The following JMJD1C variants were observed in gnomAD, a reference collection of about 807,000 sequenced individuals.
JMJD1C encodes the protein jumonji domain-containing protein 1C.
JMJD1C carries 31 observed loss-of-function variants against 245.3 expected under a neutral mutation model. That is an observed-to-expected ratio of 0.13 (90% CI 0.09 to 0.17). JMJD1C has a LOEUF of 0.17. Ranked by LOEUF, JMJD1C falls within the 10% of genes least tolerant of loss-of-function variation. JMJD1C has a pLI of 1.00. For synonymous variants in JMJD1C, 1,057 were observed against 1,017.4 expected (o/e 1.04, Z -0.74); for missense variants, 2,691 against 3,000.2 (o/e 0.90, Z 2.41).
At chr10:63,228,180 C>A (rs1849534042) in intron 3 of JMJD1C, among the ~76,000 whole-genome samples, 1 of 152,144 alleles carries the variant, frequency 6.6e-6, no homozygotes, top group South Asian at 2.1e-4. Flanking sequence ...CACAACTACT[C>A]AACCCTGCTG....
intron 1 of JMJD1C, among the ~76,000 whole-genome samples, chr10:63,441,638 C>T (rs1433846104): frequency 6.6e-6 from 1 of 151,994 alleles, no homozygotes; most frequent in Non-Finnish European, 1.5e-5. Flanking sequence ...CTCAGTTTTC[C>T]TTTTCCAAGC....
chr10:63,264,744 T>C lies in JMJD1C; in HGVS notation c.354A>G (p.Glu118=). The change falls in exon 3 of 26, where the codon GAA becomes GAG. Residue 118 remains glutamate (E), a synonymous_variant. Coordinates refer to ENST00000399262, the MANE Select transcript of JMJD1C (RefSeq NM_032776.3). ...WPALTFKPLV[E]RNIPSSVTAV... ...CAGTGACTGAACTGGGTATATTTCT[T>C]TCAACCAGAGGTTTGAAAGTCTGCC... is the stretch of plus-strand genomic sequence containing the variant. The C allele has an allele frequency of 6.3e-7, 1 of 1,581,182 alleles. No homozygotes were observed.
At chr10:63,317,190 A>C (rs1940189546) in intron 2 of JMJD1C, among the ~76,000 whole-genome samples, 1 of 151,482 alleles carries the variant, frequency 6.6e-6, no homozygotes, top group East Asian at 2.0e-4. Flanking sequence ...TGCTAGGAAC[A>C]TTTAAGTCTT....
intron 8 of JMJD1C, among the ~76,000 whole-genome samples, chr10:63,211,823 CAAAAAAAAAA>C (rs59121081): frequency 1.3e-5 from 1 of 77,680 alleles, no homozygotes; most frequent in Admixed American, 1.5e-4. Flanking sequence ...GACTCTGTCT[CAAAAAAAAAA>C]AAAAAAAAAA....
intron 10 of JMJD1C, chr10:63,204,788 T>C: frequency 1.0e-6 from 1 of 985,478 alleles, no homozygotes; most frequent in Non-Finnish European, 1.2e-6. Context: ...GTTCTTTCAC[T>C]TTCTGACTGT....
At chr10:63,460,945 A>T (rs537775635) in intron 1 of JMJD1C, among the ~76,000 whole-genome samples, 17 of 152,322 alleles carry the variant, frequency 1.1e-4, no homozygotes, top group African/African-American at 4.1e-4. Context: ...AAATTATTGG[A>T]AATTATTGGA....
chr10:63,215,084 TTTC>T lies in JMJD1C; in HGVS notation c.1080_1082del (p.Lys361del). The T allele has an allele frequency of 6.3e-7, 1 of 1,595,818 alleles. No individual in the cohort carries two copies. The stretch of plus-strand genomic sequence containing the variant: ...CAGTTCGAAGTCTTTTCATATTTAG[TTTC>T]TTTTCATCCTCCTCAGGTTTCCTTC... On this transcript the variant is annotated inframe_deletion, in exon 8 of 26. Coordinates refer to ENST00000399262, the MANE Select transcript of JMJD1C (RefSeq NM_032776.3).
At chr10:63,388,403 T>C (rs1408180420) in intron 1 of JMJD1C, among the ~76,000 whole-genome samples, 2 of 148,564 alleles carry the variant, frequency 1.3e-5, no homozygotes, top group Non-Finnish European at 1.5e-5. Flanking sequence ...TCATAAATGA[T>C]GGGGAAATAA....
chr10:63,302,145 GTAGCTGGGACTAC>G (rs1172646871), intron 2 of JMJD1C, among the ~76,000 whole-genome samples: 5 of 152,158 alleles, frequency 3.3e-5, no homozygotes, highest in African/African-American at 1.2e-4. Flanking sequence ...AGCCTCCCAA[GTAGCTGGGACTAC>G]TGGCATGAGC....
At chr10:63,322,431 G>T (rs1356348006) in intron 2 of JMJD1C, among the ~76,000 whole-genome samples, 2 of 152,136 alleles carry the variant, frequency 1.3e-5, no homozygotes, top group African/African-American at 2.4e-5. Flanking sequence ...GACTCAGTAC[G>T]ATGATTTTAA....
At position 63,474,686 on chromosome 10, in the gene JMJD1C, G is replaced by A. The variant is rs529508234; in HGVS notation, n.113+47052C>T. Among the ~76,000 whole-genome samples, 8 of 152,102 alleles carry A rather than the reference G, an allele frequency of 5.3e-5. No individual in the cohort carries two copies. The South Asian group carries it at 1.2e-3, about 24-fold the overall frequency. On this transcript the variant is annotated intron_variant and non_coding_transcript_variant, in intron 1 of 3. Transcript: ENST00000633035. ...GGCTTGTCTCAAATTCTGGCGTTAC[G>A]CAATCCTCTCACCTTAGCCTCCCAA...
rs540875698 is a variant in JMJD1C, at chr10:63,377,388, T to A, written c.333+2930A>T. 7.2e-5 allele frequency among the ~76,000 whole-genome samples: 11 copies of A among 152,312 alleles called. 1 individual carries two copies. In the South Asian group the frequency reaches 2.1e-3, roughly 29 times the overall value. ...CCCGTGTACTCAAAAACAGTTAAAA[T>A]GGCAAATTTTATGTTAAGTACATTT... On this transcript the variant is annotated intron_variant, in intron 2 of 25. Coordinates refer to ENST00000399262, the MANE Select transcript of JMJD1C (RefSeq NM_032776.3).
At chr10:63,284,335 C>T (rs1346363784) in intron 2 of JMJD1C, among the ~76,000 whole-genome samples, 2 of 152,042 alleles carry the variant, frequency 1.3e-5, no homozygotes, top group Non-Finnish European at 2.9e-5. Context: ...CCTGGAGTTT[C>T]CTTTATCCTT....
In JMJD1C at chr10:63,207,102, T is replaced by A. The variant is rs183013953; in HGVS notation, c.4567A>T (p.Ile1523Phe). 193 of 1,614,228 alleles carry A rather than the reference T, an allele frequency of 1.2e-4. No homozygotes were observed. In the African/African-American group the frequency reaches 2.1e-3, roughly 17 times the overall value. ...SASLPLDSTVICSTINKANSV... is the reference protein window; with the variant it reads ...SASLPLDSTVFCSTINKANSV... The stretch of plus-strand genomic sequence containing the variant: ...TTTGCTTTGTTAATTGTACTACAGA[T>A]TACAGTGCTATCCAGAGGAAGGGAG... Residue 1523 changes from isoleucine to phenylalanine, a missense_variant, in exon 10 of 26, where the codon ATC becomes TTC. Transcript: ENST00000399262.
chr10:63,347,630 A>G (rs1943968810), intron 2 of JMJD1C, among the ~76,000 whole-genome samples: 1 of 145,926 alleles, frequency 6.9e-6, no homozygotes, highest in African/African-American at 2.6e-5. Flanking sequence ...AAGAAATTAC[A>G]GGGCAGGCGT....
intron 2 of JMJD1C, among the ~76,000 whole-genome samples, chr10:63,301,001 G>A (rs1467676896): frequency 6.6e-6 from 1 of 152,098 alleles, no homozygotes; most frequent in Admixed American, 6.6e-5. Context: ...ATCCCAGGAA[G>A]GGCAATAAAA....
chr10:63,337,600 AAAGAAAAGAAAAGAAAAGAAAAGAAAAAG>A (rs1240408201), intron 2 of JMJD1C, among the ~76,000 whole-genome samples: 2 of 114,998 alleles, frequency 1.7e-5, no homozygotes, highest in East Asian at 4.1e-4. Context: ...AAAGAAAAGA[AAAGAAAAGAAAAGAAAAGAAAAGAAAAAG>A]AAAAGAAAAA....
intron 1 of JMJD1C, among the ~76,000 whole-genome samples, chr10:63,473,059 G>A (rs187864982): frequency 5.3e-5 from 8 of 151,430 alleles, no homozygotes; most frequent in Admixed American, 2.6e-4. Context: ...CTGGGATTAC[G>A]GGCGTAAGCC....
At position 63,350,776 on chromosome 10, in the gene JMJD1C, C is replaced by G. The variant is rs1944286995; in HGVS notation, c.333+29542G>C. 2.0e-5 allele frequency among the ~76,000 whole-genome samples: 3 copies of G among 152,008 alleles called. No individual in the cohort carries two copies. The South Asian group carries it at 6.2e-4, about 32-fold the overall frequency. On this transcript the variant is annotated intron_variant, in intron 2 of 25. Coordinates refer to ENST00000399262, the MANE Select transcript of JMJD1C (RefSeq NM_032776.3). ...GGACTACAGGCGCCCGCCACCGTGC[C>G]CAGCTAATTTTTTTGTATTTGTTTA...
Sources: allele counts gnomAD v4.1 joint callset (sites outside exome capture counted in the v4.1 genomes callset), GRCh38; gene constraint gnomAD v4.1.1; transcripts MANE v1.5; gene names NCBI Gene and HGNC (gene_info 2026-07-23, HGNC 2026-07-21).